Variants in GALNT2 observed in about 807,000 individuals in gnomAD.
GALNT2 encodes the protein polypeptide N-acetylgalactosaminyltransferase 2.
GALNT2 carries 31 observed loss-of-function variants against 81.4 expected under a neutral mutation model. That is an observed-to-expected ratio of 0.38 (90% CI 0.29 to 0.51). GALNT2 has a LOEUF of 0.51. Ranked by LOEUF, GALNT2 falls within the 20% of genes least tolerant of loss-of-function variation. The pLI is 0.87. For synonymous variants in GALNT2, 303 were observed against 287.4 expected, an observed-to-expected ratio of 1.05 and a Z score of -0.55; for missense variants, 629 against 765.7, an observed-to-expected ratio of 0.82 and a Z score of 2.11.
chr1:230,211,301 C>A (rs533790978), intron 3 of GALNT2, among the ~76,000 whole-genome samples: 6 of 152,128 alleles, frequency 3.9e-5, no homozygotes, highest in Admixed American at 6.5e-5. Flanking sequence ...GGAGGCCACA[C>A]GGGGTGTCAC....
At chr1:230,188,547 T>C (rs1451033112) in intron 2 of GALNT2, among the ~76,000 whole-genome samples, 1 of 152,266 alleles carries the variant, frequency 6.6e-6, no homozygotes, top group East Asian at 1.9e-4. Context: ...AACTCTTTGA[T>C]TCTGTTAACT....
intron 1 of GALNT2, among the ~76,000 whole-genome samples, chr1:230,060,578 A>G (rs920613040): frequency 1.3e-5 from 2 of 152,104 alleles, no homozygotes; most frequent in Non-Finnish European, 2.9e-5. Flanking sequence ...CAACTAAGAA[A>G]TGTCTGTTGA....
rs151288054 is a variant in GALNT2 at position 230,146,495 on chromosome 1, G to A, written c.127-31723G>A. Among the ~76,000 whole-genome samples the A allele has an allele frequency of 1.9e-3, 283 of 152,276 alleles. 1 individual carries two copies. Among genetic ancestry groups the A allele is most frequent in the African/African-American group, 5.9e-3 (246 of 41,534 alleles). ...CCCTTCCTGACCCGGTTGGAGTGAA[G>A]CAGGTGTGGGCTCAGAAAAGCCTGC... On this transcript the variant is annotated intron_variant, in intron 1 of 15. Transcript: ENST00000366672.
At chr1:230,118,752 C>T (rs1173357826) in intron 1 of GALNT2, among the ~76,000 whole-genome samples, 1 of 151,842 alleles carries the variant, frequency 6.6e-6, no homozygotes, top group Non-Finnish European at 1.5e-5. Flanking sequence ...GCCTTCATGC[C>T]CTGTAAGATG....
At chr1:230,265,015 G>T in intron 13 of GALNT2, 141 of 328,924 alleles carry the variant, frequency 4.3e-4, no homozygotes, top group Middle Eastern at 1.0e-3. Flanking sequence ...AGAATATAAA[G>T]AATACTTCTG....
chr1:230,125,542 T>C (rs1456429868), intron 1 of GALNT2, among the ~76,000 whole-genome samples: 1 of 152,228 alleles, frequency 6.6e-6, no homozygotes, highest in Non-Finnish European at 1.5e-5. Flanking sequence ...TCTTGTAATA[T>C]CGTATCTGTG....
At chr1:230,138,649 G>A (rs4846901) in intron 1 of GALNT2, among the ~76,000 whole-genome samples, 115,427 of 152,078 alleles carry the variant, frequency 0.76, 44,418 homozygotes, top group African/African-American at 0.9. Flanking sequence ...AATAAGAGGT[G>A]GGCTTTTTAT....
chr1:230,255,428 G>C, intron 11 of GALNT2, 84 bp downstream of exon 11: 2 of 1,559,086 alleles, frequency 1.3e-6, no homozygotes, highest in Non-Finnish European at 1.8e-6. Context: ...TTTGAGGACA[G>C]ATGTCCTTCA....
chr1:230,214,443 C>A (rs1161817435), intron 3 of GALNT2, among the ~76,000 whole-genome samples: 1 of 152,208 alleles, frequency 6.6e-6, no homozygotes, highest in Non-Finnish European at 1.5e-5. Flanking sequence ...TTTTCACTGA[C>A]TGTGAAATTC....
At position 230,104,084 on chromosome 1, in the gene GALNT2, T is replaced by C. The variant is rs1660474239; in HGVS notation, c.126+36678T>C. On this transcript the variant is annotated intron_variant, in intron 1 of 15. Coordinates refer to ENST00000366672, the MANE Select transcript of GALNT2 (RefSeq NM_004481.5). ...CATGTGCTTCTGTTTGGTAAATGGC[T>C]TCATTTTCCCTCTAACTCCTGAGCG... Among the ~76,000 whole-genome samples, 4 of 152,310 alleles carry C rather than the reference T, an allele frequency of 2.6e-5. No homozygotes were observed. In the South Asian group the frequency reaches 8.3e-4, roughly 32 times the overall value.
At chr1:230,227,441 A>G (rs929631840) in intron 3 of GALNT2, among the ~76,000 whole-genome samples, 72 of 150,602 alleles carry the variant, frequency 4.8e-4, no homozygotes, top group African/African-American at 1.7e-3. Context: ...AGCTATATAT[A>G]TATATGCTAT....
chr1:230,154,994 G>A lies in GALNT2; in HGVS notation c.127-23224G>A, dbSNP rs192874915. ...ATATTTACGTACTAGCACTTAAAAA[G>A]ACTTTCTCTGACCACAGGGTCTTTG... On this transcript the variant is annotated intron_variant, in intron 1 of 15. Transcript: ENST00000366672. 1.3e-4 allele frequency among the ~76,000 whole-genome samples: 20 copies of A among 152,290 alleles called. No homozygotes were observed. In the South Asian group the frequency reaches 3.7e-3, roughly 28 times the overall value.
chr1:230,207,383 A>G (rs1476459797), intron 3 of GALNT2, among the ~76,000 whole-genome samples: 1 of 152,154 alleles, frequency 6.6e-6, no homozygotes, highest in African/African-American at 2.4e-5. Context: ...AGATACAAGG[A>G]ATAAGGCTTC....
intron 1 of GALNT2, among the ~76,000 whole-genome samples, chr1:230,161,575 A>G (rs750513434): frequency 6.6e-6 from 1 of 152,234 alleles, no homozygotes; most frequent in Non-Finnish European, 1.5e-5. Context: ...GTCTCTCTTA[A>G]GATACTCATG....
intron 9 of GALNT2, among the ~76,000 whole-genome samples, chr1:230,249,786 G>C (rs190067008): frequency 1.3e-5 from 2 of 152,342 alleles, no homozygotes; most frequent in Non-Finnish European, 2.9e-5. Flanking sequence ...GTTGGCACAC[G>C]GTTAAGTGAG....
intron 2 of GALNT2, among the ~76,000 whole-genome samples, chr1:230,180,267 G>T (rs1381633341): frequency 7.5e-6 from 1 of 134,208 alleles, no homozygotes; most frequent in East Asian, 2.3e-4. Flanking sequence ...AGTTAATTTT[G>T]TGAAAAGTGT....
intron 10 of GALNT2, among the ~76,000 whole-genome samples, chr1:230,253,795 A>G (rs1013619258): frequency 2.6e-5 from 4 of 152,176 alleles, no homozygotes; most frequent in African/African-American, 9.7e-5. Flanking sequence ...TTCTCTAGCT[A>G]TAATTTTGTA....
intron 1 of GALNT2, among the ~76,000 whole-genome samples, chr1:230,075,410 C>A (rs907753250): frequency 6.6e-6 from 1 of 152,130 alleles, no homozygotes; most frequent in Non-Finnish European, 1.5e-5. Context: ...CGTGAGCCAC[C>A]GTGCCCGGCT....
At chr1:230,226,741 C>G (rs1379969906) in intron 3 of GALNT2, among the ~76,000 whole-genome samples, 2 of 152,266 alleles carry the variant, frequency 1.3e-5, no homozygotes, top group African/African-American at 4.8e-5. Flanking sequence ...CTCCCCATTT[C>G]ACTCACCCAT....
Sources: allele counts gnomAD v4.1 joint callset (sites outside exome capture counted in the v4.1 genomes callset), GRCh38; gene constraint gnomAD v4.1.1; transcripts MANE v1.5; gene names NCBI Gene and HGNC (gene_info 2026-07-23, HGNC 2026-07-21).